Variants in NRG3 observed in about 807,000 individuals in gnomAD.
NRG3 encodes the protein pro-neuregulin-3, membrane-bound isoform.
In NRG3, 31 loss-of-function variants were observed where a neutral mutation model predicts 66.9. The observed-to-expected ratio is 0.46, with a 90% CI of 0.35 to 0.63. The LOEUF (loss-of-function observed/expected upper bound fraction) is 0.63, where lower values mean the gene tolerates loss of function less well. Ranked by LOEUF, NRG3 falls within the 20% of genes least tolerant of loss-of-function variation. The pLI, the probability that NRG3 is intolerant of heterozygous loss-of-function variation, is 0.00. For synonymous variants in NRG3, 393 were observed against 359.4 expected, an observed-to-expected ratio of 1.09 and a Z score of -1.06; for missense variants, 910 against 878.9, an observed-to-expected ratio of 1.04 and a Z score of -0.45.
chr10:81,942,014 T>C (rs1848447215), intron 1 of NRG3, among the ~76,000 whole-genome samples: 1 of 152,182 alleles, frequency 6.6e-6, no homozygotes, highest in East Asian at 1.9e-4. Flanking sequence ...CTTTAGATCT[T>C]CTCATCCTTT....
chr10:82,842,235 A>T (rs1479785241), intron 3 of NRG3, among the ~76,000 whole-genome samples: 1 of 152,182 alleles, frequency 6.6e-6, no homozygotes, highest in African/African-American at 2.4e-5. Flanking sequence ...TGGGCAACAA[A>T]GCGAGACTGA....
At chr10:82,967,166 TAATA>T (rs1051578197) in intron 6 of NRG3, among the ~76,000 whole-genome samples, 1 of 148,748 alleles carries the variant, frequency 6.7e-6, no homozygotes, top group Non-Finnish European at 1.5e-5. Flanking sequence ...TATTTTTAAA[TAATA>T]GATATATTAA....
chr10:82,012,548 A>C (rs2061623819), intron 1 of NRG3, among the ~76,000 whole-genome samples: 1 of 152,174 alleles, frequency 6.6e-6, no homozygotes, highest in Non-Finnish European at 1.5e-5. Context: ...TCAGGCAGCA[A>C]ATTTTCCAAA....
chr10:82,650,973 A>T (rs17100405), intron 2 of NRG3, among the ~76,000 whole-genome samples: 2,672 of 152,286 alleles, frequency 0.018, 82 homozygotes, highest in African/African-American at 0.06. Flanking sequence ...GACACTTAAC[A>T]CATTTAAACA....
At chr10:82,706,653 G>A (rs1429125678) in intron 2 of NRG3, among the ~76,000 whole-genome samples, 1 of 152,118 alleles carries the variant, frequency 6.6e-6, no homozygotes, top group East Asian at 1.9e-4. Flanking sequence ...TGTATATCAA[G>A]TTTATTATTT....
At chr10:82,196,527 A>G (rs2133413214) in intron 1 of NRG3, among the ~76,000 whole-genome samples, 1 of 152,296 alleles carries the variant, frequency 6.6e-6, no homozygotes, top group South Asian at 2.1e-4. Context: ...TGAAGACTCC[A>G]TTTGCTCATC....
intron 1 of NRG3, among the ~76,000 whole-genome samples, chr10:81,888,902 G>A (rs1438684315): frequency 6.6e-6 from 1 of 152,126 alleles, no homozygotes; most frequent in Admixed American, 6.5e-5. Flanking sequence ...GATTCTCTAA[G>A]GCTAACTTGT....
intron 1 of NRG3, among the ~76,000 whole-genome samples, chr10:82,302,791 T>C (rs962456827): frequency 1.3e-5 from 2 of 152,172 alleles, no homozygotes; most frequent in Non-Finnish European, 2.9e-5. Flanking sequence ...CCCCAATGTG[T>C]CTAATGCATA....
chr10:82,491,134 G>A (rs1843055688), intron 2 of NRG3, among the ~76,000 whole-genome samples: 1 of 151,280 alleles, frequency 6.6e-6, no homozygotes, highest in South Asian at 2.1e-4. Context: ...TGGTTGAGTT[G>A]CCCTATCCCC....
At chr10:82,923,442 C>T (rs928142172) in intron 4 of NRG3, among the ~76,000 whole-genome samples, 1 of 152,222 alleles carries the variant, frequency 6.6e-6, no homozygotes, top group Non-Finnish European at 1.5e-5. Flanking sequence ...GCACTCAGTA[C>T]ATTGTCTCCA....
At chr10:82,910,315 T>G (rs1170917442) in intron 4 of NRG3, among the ~76,000 whole-genome samples, 1 of 152,238 alleles carries the variant, frequency 6.6e-6, no homozygotes, top group East Asian at 1.9e-4. Flanking sequence ...ATAACGATTT[T>G]GGTGTTATTG....
chr10:82,174,982 C>G (rs2072919413), intron 1 of NRG3, among the ~76,000 whole-genome samples: 1 of 152,152 alleles, frequency 6.6e-6, no homozygotes, highest in Non-Finnish European at 1.5e-5. Context: ...ATTTTTCCCT[C>G]TCTTTTTTAA....
intron 2 of NRG3, among the ~76,000 whole-genome samples, chr10:82,541,492 G>A (rs905995509): frequency 3.9e-5 from 6 of 152,094 alleles, no homozygotes; most frequent in African/African-American, 7.2e-5. Flanking sequence ...GGTCGTGATC[G>A]ATTGAGCAAG....
At chr10:82,392,478 A>G (rs1178670635) in intron 2 of NRG3, among the ~76,000 whole-genome samples, 1 of 152,170 alleles carries the variant, frequency 6.6e-6, no homozygotes, top group Non-Finnish European at 1.5e-5. Flanking sequence ...ATTATGTATG[A>G]AGGAGTCTGG....
intron 3 of NRG3, among the ~76,000 whole-genome samples, chr10:82,748,105 C>T (rs564239567): frequency 5.7e-4 from 87 of 151,326 alleles, no homozygotes; most frequent in Middle Eastern, 3.4e-3. Context: ...ACTTTCTACT[C>T]TGCAGATAGG....
At chr10:82,135,094 C>G (rs1252684120) in intron 1 of NRG3, among the ~76,000 whole-genome samples, 1 of 150,652 alleles carries the variant, frequency 6.6e-6, no homozygotes, top group African/African-American at 2.4e-5. Flanking sequence ...CAACTGCACT[C>G]CAACCAGTGT....
intron 1 of NRG3, among the ~76,000 whole-genome samples, chr10:82,195,709 A>T (rs952452507): frequency 6.6e-6 from 1 of 152,208 alleles, no homozygotes. Context: ...GTTGCTAATC[A>T]GTTGACATTG....
intron 2 of NRG3, among the ~76,000 whole-genome samples, chr10:82,580,247 A>G (rs956643133): frequency 6.6e-6 from 1 of 152,030 alleles, no homozygotes; most frequent in East Asian, 1.9e-4. Flanking sequence ...ATATGTAAAT[A>G]TCTTTTTGAA....
At chr10:82,464,832 A>G (rs1840528680) in intron 2 of NRG3, among the ~76,000 whole-genome samples, 1 of 152,206 alleles carries the variant, frequency 6.6e-6, no homozygotes, top group Non-Finnish European at 1.5e-5. Context: ...TACAGAGTAT[A>G]TGGCTCTCTC....
Sources: gnomAD v4.1 joint callset for allele counts (sites outside exome capture counted in the v4.1 genomes callset) on GRCh38, gnomAD v4.1.1 for gene constraint, MANE v1.5 for transcripts, NCBI Gene and HGNC (gene_info 2026-07-23, HGNC 2026-07-21) for gene names.